Variants in MAP4K3 observed in about 807,000 individuals in gnomAD.
MAP4K3 encodes mitogen-activated protein kinase kinase kinase kinase 3.
A neutral mutation model predicts 143.5 loss-of-function variants in MAP4K3; 94 were observed. That is an observed-to-expected ratio of 0.65 (90% confidence interval 0.55 to 0.78). The LOEUF is 0.78. Among genes scored for constraint, MAP4K3 ranks in the 30% least tolerant of loss-of-function variants. The probability of loss-of-function intolerance (pLI) is 0.00; values close to 1 mark genes in which losing one functional copy is unlikely to be tolerated. For synonymous variants in MAP4K3, 416 were observed against 347.2 expected, an observed-to-expected ratio of 1.20 and a Z score of -2.20; for missense variants, 1,077 against 1,068.1, an observed-to-expected ratio of 1.01 and a Z score of -0.12.
intron 14 of MAP4K3, among the ~76,000 whole-genome samples, chr2:39,309,150 GTCTC>G: frequency 6.6e-6 from 1 of 151,910 alleles, no homozygotes; most frequent in Non-Finnish European, 1.5e-5. Context: ...TAAAGACAAG[GTCTC>G]ACACTTTCAC....
intron 16 of MAP4K3, among the ~76,000 whole-genome samples, chr2:39,296,585 C>T (rs1682291287): frequency 6.6e-6 from 1 of 152,200 alleles, no homozygotes; most frequent in Non-Finnish European, 1.5e-5. Context: ...CCAAAATACT[C>T]AGCATATTTG....
At chr2:39,376,593 G>A (rs1172938450) in intron 2 of MAP4K3, among the ~76,000 whole-genome samples, 3 of 152,042 alleles carry the variant, frequency 2.0e-5, no homozygotes, top group East Asian at 3.9e-4. Flanking sequence ...CAGTGCTGGG[G>A]GCACAAATTT....
chr2:39,411,348 C>T (rs1309590661), intron 1 of MAP4K3, among the ~76,000 whole-genome samples: 1 of 152,068 alleles, frequency 6.6e-6, no homozygotes, highest in Non-Finnish European at 1.5e-5. Context: ...GTACATATTC[C>T]AGATTGAGTG....
intron 3 of MAP4K3, among the ~76,000 whole-genome samples, chr2:39,349,933 T>C (rs1665405258): frequency 6.6e-6 from 1 of 152,228 alleles, no homozygotes; most frequent in South Asian, 2.1e-4. Flanking sequence ...GGAACGTATC[T>C]GTAACTTCAC....
At chr2:39,341,127 T>C (rs1163839467) in intron 4 of MAP4K3, among the ~76,000 whole-genome samples, 1 of 152,016 alleles carries the variant, frequency 6.6e-6, no homozygotes, top group Non-Finnish European at 1.5e-5. Context: ...CACCAGAAAT[T>C]AAGAGAAAAA....
In MAP4K3 at chr2:39,419,392, ATAT is replaced by A. The variant is rs1210309219; in HGVS notation, c.96+17497_96+17499del. On this transcript the variant is annotated intron_variant, in intron 1 of 33. Coordinates refer to ENST00000263881, the MANE Select transcript of MAP4K3 (RefSeq NM_003618.4). Reference sequence around the variant, plus strand: ...CAGTTTATTTAAATTTCACCTTTTTATATTATTTTCTATAAAAGCAGTATTACC... The same window carrying A: ...CAGTTTATTTAAATTTCACCTTTTTATATTTTCTATAAAAGCAGTATTACC... Among the ~76,000 whole-genome samples the A allele has an allele frequency of 2.6e-5, 4 of 152,286 alleles. No individual in the cohort carries two copies. In the South Asian group the frequency reaches 8.3e-4, roughly 32 times the overall value.
intron 1 of MAP4K3, among the ~76,000 whole-genome samples, chr2:39,426,501 T>G (rs1166761349): frequency 2.6e-5 from 4 of 152,074 alleles, no homozygotes; most frequent in African/African-American, 9.7e-5. Context: ...TCTTTCATTT[T>G]GAGAATACAC....
intron 12 of MAP4K3, 28 bp from the exon 13 acceptor site, chr2:39,315,416 C>A (rs1290649901): frequency 7.0e-7 from 1 of 1,431,566 alleles, no homozygotes; most frequent in African/African-American, 1.4e-5. Flanking sequence ...CAATGATATG[C>A]AGCATTTGAT....
chr2:39,339,018 T>G (rs1420554952), intron 4 of MAP4K3, among the ~76,000 whole-genome samples: 1 of 152,236 alleles, frequency 6.6e-6, no homozygotes, highest in Non-Finnish European at 1.5e-5. Flanking sequence ...GTTTTCTTTT[T>G]CACTATTAAA....
intron 1 of MAP4K3, among the ~76,000 whole-genome samples, chr2:39,400,080 C>T (rs1666913288): frequency 6.6e-6 from 1 of 152,132 alleles, no homozygotes; most frequent in African/African-American, 2.4e-5. Context: ...AATTAATCCC[C>T]CCAAAAACCC....
chr2:39,306,974 G>C (rs913581438), intron 15 of MAP4K3, among the ~76,000 whole-genome samples: 4 of 152,230 alleles, frequency 2.6e-5, no homozygotes, highest in African/African-American at 7.2e-5. Context: ...GAGTTTGTAT[G>C]TGTAAGTATA....
At chr2:39,310,294 C>T (rs1266556969) in intron 13 of MAP4K3, among the ~76,000 whole-genome samples, 1 of 152,164 alleles carries the variant, frequency 6.6e-6, no homozygotes, top group Non-Finnish European at 1.5e-5. Flanking sequence ...TCATTCTACT[C>T]TACCTCCATG....
chr2:39,327,385 T>G (rs1683529726), intron 8 of MAP4K3, among the ~76,000 whole-genome samples: 1 of 152,198 alleles, frequency 6.6e-6, no homozygotes, highest in South Asian at 2.1e-4. Context: ...ATTCAGTAAT[T>G]TTTTTGTTTC....
intron 1 of MAP4K3, among the ~76,000 whole-genome samples, chr2:39,409,023 A>C (rs536322712): frequency 6.6e-6 from 1 of 152,278 alleles, no homozygotes; most frequent in South Asian, 2.1e-4. Context: ...GTAAAGTTAT[A>C]CTGTGCCTGC....
At chr2:39,402,719 G>C (rs1666982128) in intron 1 of MAP4K3, among the ~76,000 whole-genome samples, 1 of 149,298 alleles carries the variant, frequency 6.7e-6, no homozygotes, top group African/African-American at 2.5e-5. Flanking sequence ...GGGTCTTTGA[G>C]AAAAATCAAT....
At chr2:39,414,889 G>C (rs1457854762) in intron 1 of MAP4K3, among the ~76,000 whole-genome samples, 4 of 151,330 alleles carry the variant, frequency 2.6e-5, no homozygotes, top group Non-Finnish European at 5.9e-5. Context: ...AAAAAAAAAA[G>C]AGTATGTACC....
intron 3 of MAP4K3, among the ~76,000 whole-genome samples, chr2:39,354,048 A>G (rs180714750): frequency 1.3e-5 from 2 of 152,242 alleles, no homozygotes; most frequent in Non-Finnish European, 2.9e-5. Context: ...GATCATGCTC[A>G]TTTTACCATA....
chr2:39,373,449 A>G (rs900266868), intron 2 of MAP4K3, among the ~76,000 whole-genome samples: 4 of 152,234 alleles, frequency 2.6e-5, no homozygotes, highest in Non-Finnish European at 5.9e-5. Context: ...CATACTCAAA[A>G]GAAAGGAAAT....
intron 23 of MAP4K3, among the ~76,000 whole-genome samples, chr2:39,278,747 GAA>G (rs1180824645): frequency 2.0e-5 from 3 of 152,198 alleles, no homozygotes; most frequent in Admixed American, 6.5e-5. Context: ...ACTCATCAGA[GAA>G]TGCTAAGAAC....
Sources: gnomAD v4.1 joint callset for allele counts (sites outside exome capture counted in the v4.1 genomes callset) on GRCh38, gnomAD v4.1.1 for gene constraint, MANE v1.5 for transcripts, NCBI Gene and HGNC (gene_info 2026-07-23, HGNC 2026-07-21) for gene names.